MAP2: variants seen among roughly 807,000 people sequenced by gnomAD.
MAP2 encodes the protein microtubule-associated protein 2.
Under a neutral mutation model 137.6 loss-of-function variants are expected in MAP2, and 14 were observed. That is an observed-to-expected ratio of 0.10 (90% CI 0.07 to 0.16). The LOEUF is 0.16. MAP2 is among the 10% of genes least tolerant of loss of function. The pLI, the probability that MAP2 is intolerant of heterozygous loss-of-function variation, is 1.00. For missense variants in MAP2, 2,088 were observed against 2,191.5 expected, an observed-to-expected ratio of 0.95 and a Z score of 0.94; for synonymous variants, 786 against 782.3, an observed-to-expected ratio of 1.00 and a Z score of -0.08.
At chr2:209,540,630 CAAAAAAA>C (rs749183996) in intron 2 of MAP2, among the ~76,000 whole-genome samples, 2,405 of 27,178 alleles carry the variant, frequency 0.088, 6 homozygotes, top group African/African-American at 0.16. Context: ...GACTCCGTCT[CAAAAAAA>C]AAAAAAAAAA....
intron 4 of MAP2, among the ~76,000 whole-genome samples, chr2:209,649,553 C>A (rs1292410290): frequency 6.6e-6 from 1 of 152,048 alleles, no homozygotes; most frequent in Non-Finnish European, 1.5e-5. Flanking sequence ...ATGAGTGTGG[C>A]CAAATAGTGT....
intron 1 of MAP2, among the ~76,000 whole-genome samples, chr2:209,495,833 C>G (rs1476583243): frequency 2.0e-5 from 3 of 152,132 alleles, no homozygotes; most frequent in Non-Finnish European, 4.4e-5. Context: ...GAATGGTACT[C>G]TAGCCTTCAT....
intron 1 of MAP2, among the ~76,000 whole-genome samples, chr2:209,463,082 A>G (rs1375291362): frequency 1.3e-5 from 2 of 152,062 alleles, no homozygotes; most frequent in African/African-American, 4.8e-5. Context: ...TGTGTCTTTT[A>G]TTTATGGATC....
intron 13 of MAP2, among the ~76,000 whole-genome samples, chr2:209,712,775 T>C (rs747650883): frequency 2.0e-5 from 3 of 152,154 alleles, no homozygotes; most frequent in Non-Finnish European, 2.9e-5. Context: ...GAAGATCTTA[T>C]AGAACGACTG....
Position 209,655,474 on chromosome 2 carries a change from C to T in MAP2, c.262+2042C>T, listed in dbSNP as rs186714974. 9.3e-4 allele frequency among the ~76,000 whole-genome samples: 142 copies of T among 152,292 alleles called. 1 individual carries two copies. The highest frequency in any genetic ancestry group is 2.9e-4 in the Non-Finnish European group (20 of 68,014). On this transcript the variant is annotated intron_variant, in intron 5 of 15. Transcript: ENST00000682079. ...GTAAAATAATATCTTTTCATGTCTACAGAGGATGTTCCAGTGATGAGTTAA... is the reference window on the plus strand; with the variant it reads ...GTAAAATAATATCTTTTCATGTCTATAGAGGATGTTCCAGTGATGAGTTAA...
chr2:209,453,013 T>A (rs1029891486), intron 1 of MAP2, among the ~76,000 whole-genome samples: 1 of 152,226 alleles, frequency 6.6e-6, no homozygotes, highest in Non-Finnish European at 1.5e-5. Flanking sequence ...AAAGTTCTTA[T>A]ATTTCAATCC....
At chr2:209,717,829 T>G (rs1381631167) in intron 13 of MAP2, among the ~76,000 whole-genome samples, 1 of 152,160 alleles carries the variant, frequency 6.6e-6, no homozygotes, top group African/African-American at 2.4e-5. Flanking sequence ...GGTTTTTTGT[T>G]TTTTGTTTTG....
chr2:209,684,947 A>C (rs141578660), intron 7 of MAP2, among the ~76,000 whole-genome samples: 146 of 152,300 alleles, frequency 9.6e-4, no homozygotes, highest in African/African-American at 3.4e-3. Flanking sequence ...GGTACCTGAC[A>C]ACTTGTCTGA....
Position 209,582,026 on chromosome 2 carries a change from A to G in MAP2, c.-107+1926A>G, listed in dbSNP as rs141931892. The stretch of plus-strand genomic sequence containing the variant: ...ACCTATATCATGGTTTTTCTAGTCA[A>G]TATTGTGGTGAGTTAATTCCTTTAC... On this transcript the variant is annotated intron_variant, in intron 3 of 15. Coordinates refer to ENST00000682079, the MANE Select transcript of MAP2 (RefSeq NM_001375505.1). Among the ~76,000 whole-genome samples the G allele has an allele frequency of 2.0e-4, 30 of 152,206 alleles. No individual in the cohort carries two copies. In the East Asian group the frequency reaches 5.6e-3, roughly 28 times the overall value.
intron 1 of MAP2, among the ~76,000 whole-genome samples, chr2:209,489,722 G>A (rs2058835070): frequency 6.6e-6 from 1 of 152,104 alleles, no homozygotes; most frequent in Non-Finnish European, 1.5e-5. Context: ...ATGAAATAAA[G>A]CGTGAAGACA....
chr2:209,713,579 A>G (rs1444747791), intron 13 of MAP2, among the ~76,000 whole-genome samples: 1 of 152,226 alleles, frequency 6.6e-6, no homozygotes, highest in African/African-American at 2.4e-5. Flanking sequence ...AGGGAAGACT[A>G]TCTTATTAAG....
At chr2:209,474,014 C>T (rs190871036) in intron 1 of MAP2, among the ~76,000 whole-genome samples, 75 of 152,268 alleles carry the variant, frequency 4.9e-4, no homozygotes, top group African/African-American at 1.5e-3. Context: ...GGATCTACTC[C>T]GCAGTGCTCT....
intron 2 of MAP2, among the ~76,000 whole-genome samples, chr2:209,554,210 A>G (rs2069929503): frequency 6.6e-6 from 1 of 152,160 alleles, no homozygotes; most frequent in South Asian, 2.1e-4. Context: ...TCTTTTGGGT[A>G]TTCAAATCTA....
intron 4 of MAP2, among the ~76,000 whole-genome samples, chr2:209,646,119 C>A (rs1321520884): frequency 1.3e-5 from 2 of 152,070 alleles, no homozygotes; most frequent in East Asian, 3.9e-4. Context: ...ATCACTTGAG[C>A]CCGGGAGGTT....
In MAP2 at chr2:209,692,912, C is replaced by G; in HGVS notation, c.742C>G (p.Pro248Ala). 6.2e-7 allele frequency: 1 copy of G among 1,614,130 alleles called. No individual in the cohort carries two copies. The highest frequency in any genetic ancestry group is 8.5e-7 in the Non-Finnish European group (1 of 1,179,990). ...KQKTEPSLVV[P>A]GIDLPKEPPT... The stretch of plus-strand genomic sequence containing the variant: ...GAAGACAGAACCAAGCCTTGTAGTA[C>G]CTGGCATTGACCTCCCTAAAGAGCC... Residue 248 changes from proline (P) to alanine (A), a missense_variant, in exon 8 of 16, where the codon CCT (proline) becomes GCT (alanine). By Grantham distance (27) the Pro-to-Ala change is conservative. Coordinates refer to ENST00000682079, the MANE Select transcript of MAP2 (RefSeq NM_001375505.1).
chr2:209,538,588 T>C (rs2066374353), intron 2 of MAP2, among the ~76,000 whole-genome samples: 1 of 150,350 alleles, frequency 6.7e-6, no homozygotes, highest in Non-Finnish European at 1.5e-5. Context: ...AATAGAACAG[T>C]AATAAATTGG....
chr2:209,713,458 A>G (rs1317570499), intron 13 of MAP2, among the ~76,000 whole-genome samples: 1 of 152,196 alleles, frequency 6.6e-6, no homozygotes, highest in Admixed American at 6.5e-5. Context: ...GCTTTACAGA[A>G]GGCAATAAAG....
chr2:209,544,639 AATG>A (rs766726658), intron 2 of MAP2, among the ~76,000 whole-genome samples: 2 of 152,214 alleles, frequency 1.3e-5, no homozygotes, highest in Non-Finnish European at 2.9e-5. Flanking sequence ...AGTAAACACT[AATG>A]TATATAGCTA....
Position 209,692,990 on chromosome 2 carries a change from A to G in MAP2, c.820A>G (p.Lys274Glu). Residue 274 changes from lysine (K) to glutamate (E), a missense_variant, in exon 8 of 16, where the codon AAA becomes GAA. Physicochemically the swap from Lys to Glu is moderately conservative, Grantham distance 56. Transcript: ENST00000682079. ...GTTCATCGAAATGCCAACGGAAGCA[A>G]AAAAGGATGAGTGGGGTTTAGTTGC... is the stretch of plus-strand genomic sequence containing the variant. ...DWFIEMPTEA[K>E]KDEWGLVAPI... 6.2e-7 allele frequency: 1 copy of G among 1,613,734 alleles called. No individual in the cohort carries two copies. The highest frequency in any genetic ancestry group is 8.5e-7 in the Non-Finnish European group (1 of 1,179,886).
Sources: allele counts gnomAD v4.1 joint callset (sites outside exome capture counted in the v4.1 genomes callset), GRCh38; gene constraint gnomAD v4.1.1; transcripts MANE v1.5; gene names NCBI Gene and HGNC (gene_info 2026-07-23, HGNC 2026-07-21).